KRT81: variants seen among roughly 807,000 people sequenced by gnomAD.
The protein encoded by KRT81 is keratin, type II cuticular Hb1.
KRT81 carries 35 observed loss-of-function variants against 35.8 expected under a neutral mutation model. That is an observed-to-expected ratio of 0.98 (90% CI 0.75 to 1.30). The LOEUF (loss-of-function observed/expected upper bound fraction) is 1.30. Among genes scored for constraint, KRT81 ranks in the 50% most tolerant of loss-of-function variants. KRT81 has a pLI of 0.00. For synonymous variants in KRT81, 249 were observed against 251.2 expected, an observed-to-expected ratio of 0.99 and a Z score of 0.08; for missense variants, 531 against 577.4, an observed-to-expected ratio of 0.92 and a Z score of 0.82.
rs1024142847 is a variant in KRT81 at position 52,286,314 on chromosome 12, A to G, written c.1459T>C (p.Ser487Pro). The change falls in exon 9 of 9, where the codon TCC becomes CCC. Residue 487 changes from serine (S) to proline (P), a missense_variant. Transcript: ENST00000327741. ...ACACCCAGGGAGCTGATACCACAGG[A>G]GCCCACGCCGCAGGAACCCCCTCCG... ...TCGGGSCGVG[S>P]CGISSLGVGS... 1.3e-6 allele frequency: 2 copies of G among 1,554,440 alleles called. No homozygotes were observed. Among genetic ancestry groups the G allele is most frequent in the Non-Finnish European group, 1.7e-6 (2 of 1,148,582 alleles).
Position 52,291,395 on chromosome 12 carries a change from C to T in KRT81, c.71G>A (p.Arg24His), listed in dbSNP as rs558774301. ...CISACGPRPG[R>H]CCITAAPYRG... ...GTAGGGGGCGGCGGTGATGCAGCAGCGGCCGGGCCGCGGCCCGCAGGCCGA... is the reference window on the plus strand; with the variant it reads ...GTAGGGGGCGGCGGTGATGCAGCAGTGGCCGGGCCGCGGCCCGCAGGCCGA... The change falls in exon 1 of 9, where the codon CGC becomes CAC. Residue 24 changes from arginine to histidine, a missense_variant. By Grantham distance (29) the Arg-to-His change is conservative. Coordinates refer to ENST00000327741, the MANE Select transcript of KRT81 (RefSeq NM_002281.4). 1.7e-4 allele frequency: 278 copies of T among 1,608,708 alleles called. No individual in the cohort carries two copies. The highest frequency in any genetic ancestry group is 9.2e-4 in the East Asian group (41 of 44,666).
In KRT81 at chr12:52,286,387, C is replaced by T. The variant is rs547733368; in HGVS notation, c.1386G>A (p.Ala462=). Reference sequence around the variant, plus strand: ...AGGGCGCACACAGGCCGGTGCTCACCGCCACGTTCCCGTTGCACGGAGCGC... The same window carrying T: ...AGGGCGCACACAGGCCGGTGCTCACTGCCACGTTCCCGTTGCACGGAGCGC... ...VCSAPCNGNV[A]VSTGLCAPCG... The change falls in exon 9 of 9, where the codon GCG becomes GCA. Residue 462 remains alanine, a synonymous_variant. Transcript: ENST00000327741. 5.0e-5 allele frequency: 78 copies of T among 1,555,350 alleles called. No individual in the cohort carries two copies. In the African/African-American group the frequency reaches 6.4e-4, roughly 13 times the overall value.
At chr12:52,286,733 T>C (rs548620445) in intron 8 of KRT81, 58 bp downstream of exon 8, 2 of 1,560,702 alleles carry the variant, frequency 1.3e-6, no homozygotes, top group East Asian at 4.5e-5. Flanking sequence ...TTTTCCAAAC[T>C]CTGCCCTCCA....
Position 52,288,440 on chromosome 12 carries a change from T to C in KRT81, c.656A>G (p.Tyr219Cys). The C allele has an allele frequency of 6.2e-7, 1 of 1,613,948 alleles. No homozygotes were observed. Among genetic ancestry groups the C allele is most frequent in the Non-Finnish European group, 8.5e-7 (1 of 1,179,962 alleles). Reference sequence around the variant, plus strand: ...GGCCTCCAGGTCTGACTTGCGGAGGTAGGCGCAGTCCACATCCTGGAAAGG... The same window carrying C: ...GGCCTCCAGGTCTGACTTGCGGAGGCAGGCGCAGTCCACATCCTGGAAAGG... ...VALKKDVDCA[Y>C]LRKSDLEANV... The change falls in exon 4 of 9, where the codon TAC (tyrosine) becomes TGC (cysteine). Residue 219 changes from tyrosine to cysteine, a missense_variant. This residue lies in a region of KRT81 where 194 missense variants were observed against 198.2 expected (regional missense o/e 0.98). Transcript: ENST00000327741.
rs1938114261 is a variant in KRT81 at position 52,291,347 on chromosome 12, C to T, written c.119G>A (p.Gly40Asp). ...APYRGISCYRGLTGGFGSHSV... is the reference protein window; with the variant it reads ...APYRGISCYRDLTGGFGSHSV... Reference sequence around the variant, plus strand: ...GTGGCTGCCGAAGCCCCCGGTGAGGCCGCGGTAGCAGGAGATGCCACGGTA... The same window carrying T: ...GTGGCTGCCGAAGCCCCCGGTGAGGTCGCGGTAGCAGGAGATGCCACGGTA... Residue 40 changes from glycine (G) to aspartate (D), a missense_variant, in exon 1 of 9, where the codon GGC (glycine) becomes GAC (aspartate). Transcript: ENST00000327741. 9 of 1,581,410 alleles carry T rather than the reference C, an allele frequency of 5.7e-6. No individual in the cohort carries two copies. In the East Asian group the frequency reaches 6.9e-5, roughly 12 times the overall value.
At chr12:52,287,887 T>G (rs1252427285) in intron 5 of KRT81, 97 bp downstream of exon 5, 1 of 1,607,974 alleles carries the variant, frequency 6.2e-7, no homozygotes, top group Non-Finnish European at 8.5e-7. Context: ...TTCTCATCCC[T>G]AGGGACCAGC....
At chr12:52,287,376 C>T in intron 6 of KRT81, 54 bp from the exon 7 acceptor site, 2 of 1,605,624 alleles carry the variant, frequency 1.2e-6, no homozygotes, top group Non-Finnish European at 1.7e-6. Context: ...CTCTCTGATG[C>T]TCATCCAAAT....
intron 5 of KRT81, 124 bp downstream of exon 5, chr12:52,287,860 A>G: frequency 6.2e-7 from 1 of 1,601,908 alleles, no homozygotes. Context: ...CCCCAACCTC[A>G]GATTGGCAGC....
At position 52,286,041 on chromosome 12, in the gene KRT81, C is replaced by A; in HGVS notation, c.*214G>T. Reference sequence around the variant, plus strand: ...CTCCTGAGGCCCCTTCCTATGGGTGCCAGCGGACTTCTTTCTAGGGTGGCC... The same window carrying A: ...CTCCTGAGGCCCCTTCCTATGGGTGACAGCGGACTTCTTTCTAGGGTGGCC... On this transcript the variant is annotated 3_prime_UTR_variant, in exon 9 of 9. Coordinates refer to ENST00000327741, the MANE Select transcript of KRT81 (RefSeq NM_002281.4). 1.7e-6 allele frequency: 1 copy of A among 590,886 alleles called. No individual in the cohort carries two copies. Among genetic ancestry groups the A allele is most frequent in the South Asian group, 2.0e-5 (1 of 50,172 alleles). The allele number at this position is 590,886 out of a possible 1,614,324, so 36.6% of individuals were successfully genotyped here.
Position 52,286,250 on chromosome 12 carries a change from G to C in KRT81, c.*5C>G. ...GCCTGGGGCCTGGGACTTGAGTTGGGGTGCCTAACATTTCCGGCAGCTGCT... is the reference window on the plus strand; with the variant it reads ...GCCTGGGGCCTGGGACTTGAGTTGGCGTGCCTAACATTTCCGGCAGCTGCT... On this transcript the variant is annotated 3_prime_UTR_variant, in exon 9 of 9. Coordinates refer to ENST00000327741, the MANE Select transcript of KRT81 (RefSeq NM_002281.4). 1 of 1,553,000 alleles carries C rather than the reference G, an allele frequency of 6.4e-7. No individual in the cohort carries two copies. The highest frequency in any genetic ancestry group is 8.7e-7 in the Non-Finnish European group (1 of 1,147,554).
chr12:52,286,937 A>G (rs1937961641), intron 7 of KRT81, 115 bp from the exon 8 acceptor site: 45 of 1,531,686 alleles, frequency 2.9e-5, no homozygotes, highest in Non-Finnish European at 3.8e-5. Context: ...AGTCTGAGGG[A>G]ACAGCTTGCC....
At chr12:52,288,545 G>T in intron 3 of KRT81, 89 bp from the exon 4 acceptor site, 1 of 1,487,618 alleles carries the variant, frequency 6.7e-7, no homozygotes, top group Non-Finnish European at 9.4e-7. Flanking sequence ...ATGTAGCCAG[G>T]GGAAAGCAGT....
chr12:52,287,747 G>C lies in KRT81; in HGVS notation c.901-26C>G, dbSNP rs756956922. Reference sequence around the variant, plus strand: ...CTGGGGGAAGTAGAGATGCTCATGAGGTTCAGGGTGGGACCTCCCATCCAT... The same window carrying C: ...CTGGGGGAAGTAGAGATGCTCATGACGTTCAGGGTGGGACCTCCCATCCAT... On this transcript the variant is annotated intron_variant, in intron 5 of 8. Transcript: ENST00000327741. The C allele has an allele frequency of 1.9e-6, 3 of 1,614,032 alleles. No homozygotes were observed. In the South Asian group the frequency reaches 3.3e-5, roughly 18 times the overall value.
rs140435760 is a variant in KRT81 at position 52,288,445 on chromosome 12, G to T, written c.651C>A (p.Cys217Ter). The T allele has an allele frequency of 3.7e-6, 6 of 1,613,994 alleles. No individual in the cohort carries two copies. The highest frequency in any genetic ancestry group is 3.3e-5 in the South Asian group (3 of 91,070). ...CCAGGTCTGACTTGCGGAGGTAGGC[G>T]CAGTCCACATCCTGGAAAGGTGGGG... ...EFVALKKDVD[C>*]AYLRKSDLEA... Residue 217 changes from cysteine to a stop codon, truncating the protein, a stop_gained, in exon 4 of 9, where the codon TGC (cysteine) becomes TGA (stop). Coordinates refer to ENST00000327741, the MANE Select transcript of KRT81 (RefSeq NM_002281.4). LOFTEE classifies it high-confidence loss of function.
Position 52,286,499 on chromosome 12 carries a change from A to C in KRT81, c.1280-6T>G. Reference sequence around the variant, plus strand: ...GCCCCGGGAGCTGCTGACACCTGTGAACCCCGAAGGCTGAGTCAAAATTCT... The same window carrying C: ...GCCCCGGGAGCTGCTGACACCTGTGCACCCCGAAGGCTGAGTCAAAATTCT... On this transcript the variant is annotated splice_polypyrimidine_tract_variant and splice_region_variant and intron_variant, in intron 8 of 8. Transcript: ENST00000327741. 1 of 1,552,010 alleles carries C rather than the reference A, an allele frequency of 6.4e-7. No individual in the cohort carries two copies. Among genetic ancestry groups the C allele is most frequent in the Non-Finnish European group, 8.7e-7 (1 of 1,147,524 alleles).
Position 52,287,739 on chromosome 12 carries a change from G to C in KRT81, c.901-18C>G, listed in dbSNP as rs375291221. On this transcript the variant is annotated intron_variant, in intron 5 of 8. Transcript: ENST00000327741. ...TCCTCACACTGGGGGAAGTAGAGAT[G>C]CTCATGAGGTTCAGGGTGGGACCTC... The C allele has an allele frequency of 6.2e-7, 1 of 1,613,924 alleles. No homozygotes were observed. Among genetic ancestry groups the C allele is most frequent in the African/African-American group, 1.3e-5 (1 of 74,894 alleles).
chr12:52,286,830 C>G lies in KRT81; in HGVS notation c.1248-8G>C. The G allele has an allele frequency of 6.2e-7, 1 of 1,613,800 alleles. No homozygotes were observed. The highest frequency in any genetic ancestry group is 8.5e-7 in the Non-Finnish European group (1 of 1,179,886). On this transcript the variant is annotated splice_region_variant and splice_polypyrimidine_tract_variant and intron_variant, in intron 7 of 8. Coordinates refer to ENST00000327741, the MANE Select transcript of KRT81 (RefSeq NM_002281.4). ...CCAATGCCTTCACATAGCCTGAGGG[C>G]AAAAGAGAAAAAGGCAACATTAGTG...
Position 52,286,139 on chromosome 12 carries a change from G to C in KRT81, c.*116C>G, listed in dbSNP as rs1937920290. ...GAAATGTGAGGCCAGGAGTGGGAGG[G>C]GTCTTTCAAAGTGCAGGAGAAGTAG... On this transcript the variant is annotated 3_prime_UTR_variant, in exon 9 of 9. Coordinates refer to ENST00000327741, the MANE Select transcript of KRT81 (RefSeq NM_002281.4). 6.0e-6 allele frequency: 5 copies of C among 833,556 alleles called. No homozygotes were observed. Among genetic ancestry groups the C allele is most frequent in the African/African-American group, 1.7e-5 (1 of 59,086 alleles). 51.6% of individuals were successfully genotyped at this position (833,556 alleles called of 1,614,324 possible).
At position 52,291,302 on chromosome 12, in the gene KRT81, C is replaced by T. The variant is rs1222206060; in HGVS notation, c.164G>A (p.Arg55Gln). The T allele has an allele frequency of 6.9e-5, 107 of 1,542,844 alleles. No individual in the cohort carries two copies. Among genetic ancestry groups the T allele is most frequent in the Non-Finnish European group, 8.9e-5 (102 of 1,145,160 alleles). The change falls in exon 1 of 9, where the codon CGG (arginine) becomes CAG (glutamine). Residue 55 changes from arginine (R) to glutamine (Q), a missense_variant. Arg to Gln is a conservative substitution (Grantham distance 43). This residue lies in a region of KRT81 where 133 missense variants were observed against 125.9 expected (regional missense o/e 1.06). Transcript: ENST00000327741. ...FGSHSVCGGF[R>Q]AGSCGRSFGY... Reference sequence around the variant, plus strand: ...GAAGCTGCGTCCGCAGGAGCCGGCCCGAAAGCCTCCGCACACGCTGTGGCT... The same window carrying T: ...GAAGCTGCGTCCGCAGGAGCCGGCCTGAAAGCCTCCGCACACGCTGTGGCT...
Sources: gnomAD v4.1 joint callset for allele counts on GRCh38, gnomAD v4.1.1 for gene constraint, gnomAD v4.1.1 regional missense constraint, MANE v1.5 for transcripts, NCBI Gene and HGNC (gene_info 2026-07-23, HGNC 2026-07-21) for gene names.